Variants in TMEM38B observed in about 807,000 individuals in gnomAD.
The protein encoded by TMEM38B is trimeric intracellular cation channel type B.
A neutral mutation model predicts 28.7 loss-of-function variants in TMEM38B; 24 were observed. The ratio of observed to expected loss-of-function variants is 0.84; its 90% CI spans 0.61 to 1.18. TMEM38B has a LOEUF of 1.18. Ranked by LOEUF, TMEM38B falls within the 50% of genes most tolerant of loss-of-function variation. The pLI is 0.00. For synonymous variants in TMEM38B, 131 were observed against 127.7 expected (o/e 1.03, Z -0.17); for missense variants, 380 against 350.9 (o/e 1.08, Z -0.66).
chr9:105,731,765 A>T (rs946924421), intron 4 of TMEM38B, among the ~76,000 whole-genome samples: 1 of 152,186 alleles, frequency 6.6e-6, no homozygotes, highest in African/African-American at 2.4e-5. Context: ...AGCAATAAAC[A>T]TACGTGTGTA....
chr9:105,729,477 A>C (rs925987408), intron 4 of TMEM38B, among the ~76,000 whole-genome samples: 3 of 152,184 alleles, frequency 2.0e-5, no homozygotes, highest in Non-Finnish European at 4.4e-5. Context: ...TATTTTGGTT[A>C]CTGTAGCCTT....
intron 5 of TMEM38B, among the ~76,000 whole-genome samples, 180 bp from the exon 6 acceptor site, chr9:105,773,680 AGTTGT>A (rs1172645903): frequency 6.6e-6 from 1 of 152,048 alleles, no homozygotes; most frequent in Non-Finnish European, 1.5e-5. Flanking sequence ...ATTTTTAATG[AGTTGT>A]GTTATTTTCC....
chr9:105,772,279 AC>A (rs1282109225), intron 5 of TMEM38B, among the ~76,000 whole-genome samples: 1 of 152,174 alleles, frequency 6.6e-6, no homozygotes, highest in East Asian at 1.9e-4. Flanking sequence ...GGCAAATTGC[AC>A]GAGGATTTTA....
chr9:105,742,963 A>G (rs2133609409), intron 4 of TMEM38B, among the ~76,000 whole-genome samples: 1 of 152,296 alleles, frequency 6.6e-6, no homozygotes, highest in East Asian at 1.9e-4. Flanking sequence ...TGTACAATCA[A>G]AAAGGTTTAG....
At chr9:105,759,994 A>G (rs556436281) in intron 5 of TMEM38B, 66 of 1,503,692 alleles carry the variant, frequency 4.4e-5, no homozygotes, top group African/African-American at 7.0e-5. Context: ...TAGTGCTGCA[A>G]TCAATAAAAG....
In TMEM38B at chr9:105,737,902, A is replaced by T. The variant is rs953546036; in HGVS notation, c.543-10171A>T. Reference sequence around the variant, plus strand: ...CCCTGAGGAGTAGGACACAGAAACAACTGGGATGCAGGGGATGGAGTGGCT... The same window carrying T: ...CCCTGAGGAGTAGGACACAGAAACATCTGGGATGCAGGGGATGGAGTGGCT... On this transcript the variant is annotated intron_variant, in intron 4 of 5. Transcript: ENST00000374692. 2.6e-5 allele frequency among the ~76,000 whole-genome samples: 4 copies of T among 152,142 alleles called. No homozygotes were observed. The East Asian group carries it at 7.7e-4, about 29-fold the overall frequency.
At chr9:105,732,329 A>T (rs932371627) in intron 4 of TMEM38B, among the ~76,000 whole-genome samples, 1 of 152,072 alleles carries the variant, frequency 6.6e-6, no homozygotes, top group African/African-American at 2.4e-5. Context: ...CCCATTTGTC[A>T]ATTTTGGCTT....
At chr9:105,750,184 A>T (rs1460144848) in intron 5 of TMEM38B, among the ~76,000 whole-genome samples, 1 of 151,954 alleles carries the variant, frequency 6.6e-6, no homozygotes, top group East Asian at 1.9e-4. Context: ...TTTTCAATTT[A>T]TATTTTGTTT....
chr9:105,755,498 C>G (rs1330629717), intron 5 of TMEM38B, among the ~76,000 whole-genome samples: 1 of 152,148 alleles, frequency 6.6e-6, no homozygotes, highest in Non-Finnish European at 1.5e-5. Context: ...AGAAGTGTGA[C>G]TCCTCTGAGT....
rs933804079 is a variant in TMEM38B at position 105,745,303 on chromosome 9, A to C, written c.543-2770A>C. 1.4e-3 allele frequency among the ~76,000 whole-genome samples: 219 copies of C among 152,248 alleles called. 2 individuals are homozygous for C. Among genetic ancestry groups the C allele is most frequent in the South Asian group, 2.7e-3 (13 of 4,822 alleles). On this transcript the variant is annotated intron_variant, in intron 4 of 5. Coordinates refer to ENST00000374692, the MANE Select transcript of TMEM38B (RefSeq NM_018112.3). Reference sequence around the variant, plus strand: ...TCTAACTGGTGTGAGATGGTATCTCATTGTGGTTATGATTTGCATTTCTCT... The same window carrying C: ...TCTAACTGGTGTGAGATGGTATCTCCTTGTGGTTATGATTTGCATTTCTCT...
At chr9:105,758,703 A>G in intron 5 of TMEM38B, 1 of 743,192 alleles carries the variant, frequency 1.3e-6, no homozygotes, top group Non-Finnish European at 2.4e-6. Flanking sequence ...AAAAAACAAC[A>G]TAGAGAACTT....
At chr9:105,732,332 T>G (rs1836780656) in intron 4 of TMEM38B, among the ~76,000 whole-genome samples, 1 of 152,216 alleles carries the variant, frequency 6.6e-6, no homozygotes, top group Admixed American at 6.5e-5. Flanking sequence ...ATTTGTCAAT[T>G]TTGGCTTTTG....
intron 4 of TMEM38B, among the ~76,000 whole-genome samples, chr9:105,733,876 A>C (rs189390266): frequency 1.3e-5 from 2 of 152,100 alleles, no homozygotes; most frequent in East Asian, 3.9e-4. Flanking sequence ...GTAGCTAAGC[A>C]TTTGTCAATT....
chr9:105,722,969 T>A (rs990736605), intron 4 of TMEM38B, among the ~76,000 whole-genome samples: 1 of 152,148 alleles, frequency 6.6e-6, no homozygotes, highest in Non-Finnish European at 1.5e-5. Context: ...GGTGATAGGC[T>A]CTTGGCATTT....
At chr9:105,773,288 A>G (rs1826618864) in intron 5 of TMEM38B, among the ~76,000 whole-genome samples, 1 of 152,186 alleles carries the variant, frequency 6.6e-6, no homozygotes, top group African/African-American at 2.4e-5. Context: ...ATTGGGGGAC[A>G]TTCTACAATC....
chr9:105,766,006 T>A (rs548177153), intron 5 of TMEM38B, among the ~76,000 whole-genome samples: 9 of 152,222 alleles, frequency 5.9e-5, no homozygotes, highest in African/African-American at 2.2e-4. Context: ...TTTCACCATA[T>A]TAGCCAGAAT....
chr9:105,733,483 A>T (rs530913697), intron 4 of TMEM38B, among the ~76,000 whole-genome samples: 1 of 147,656 alleles, frequency 6.8e-6, no homozygotes, highest in East Asian at 2.0e-4. Context: ...TGGCCTCTGA[A>T]AGTGTGTTAG....
chr9:105,736,020 G>C (rs1485148157), intron 4 of TMEM38B, among the ~76,000 whole-genome samples: 1 of 151,352 alleles, frequency 6.6e-6, no homozygotes, highest in African/African-American at 2.4e-5. Flanking sequence ...AGAGATTGCT[G>C]CACCATGCCT....
At chr9:105,743,127 A>G (rs1188808000) in intron 4 of TMEM38B, among the ~76,000 whole-genome samples, 1 of 152,234 alleles carries the variant, frequency 6.6e-6, no homozygotes, top group Non-Finnish European at 1.5e-5. Flanking sequence ...ACTGTTACCC[A>G]ATCATATTGT....
Sources: gnomAD v4.1 joint callset for allele counts (sites outside exome capture counted in the v4.1 genomes callset) on GRCh38, gnomAD v4.1.1 for gene constraint, MANE v1.5 for transcripts, NCBI Gene and HGNC (gene_info 2026-07-23, HGNC 2026-07-21) for gene names.